The following DGKA variants were observed in gnomAD, a reference collection of about 807,000 sequenced individuals.
DGKA encodes 80 kDa diacylglycerol kinase.
DGKA carries 35 observed loss-of-function variants against 105.0 expected under a neutral mutation model. That is an observed-to-expected ratio of 0.33 (90% CI 0.25 to 0.44). The LOEUF is 0.44. Among genes scored for constraint, DGKA ranks in the 20% least tolerant of loss-of-function variants. DGKA has a pLI of 1.00. For synonymous variants in DGKA, 296 were observed against 332.0 expected (o/e 0.89, Z 1.18); for missense variants, 665 against 915.0 (o/e 0.73, Z 3.53).
intron 17 of DGKA, among the ~76,000 whole-genome samples, chr12:55,945,150 G>T (rs1395775717): frequency 3.3e-5 from 5 of 152,210 alleles, no homozygotes; most frequent in Non-Finnish European, 7.3e-5. Flanking sequence ...ACCAGTTTAA[G>T]GAAGAAAAAT....
intron 3 of DGKA, 148 bp downstream of exon 3, chr12:55,937,238 A>G (rs1884935083): frequency 8.1e-7 from 1 of 1,230,044 alleles, no homozygotes. Flanking sequence ...CTATTGCTTT[A>G]GGATAAAACA....
rs750438113 is a variant in DGKA, at chr12:55,953,387, C to T, written c.2101C>T (p.Pro701Ser). The change falls in exon 23 of 24, where the codon CCC becomes TCC. Residue 701 changes from proline (P) to serine (S), a missense_variant. Physicochemically the swap from Pro to Ser is moderately conservative, Grantham distance 74 (BLOSUM62 -1). Coordinates refer to ENST00000331886, the MANE Select transcript of DGKA (RefSeq NM_001345.5). The part of the protein sequence containing the change: ...KTLPMQIDGE[P>S]WMQTPCTIKI... The stretch of plus-strand genomic sequence containing the variant: ...CCTTCCCATGCAAATTGACGGAGAA[C>T]CCTGGATGCAGACGCCCTGTACAGT... The T allele has an allele frequency of 2.5e-6, 4 of 1,614,138 alleles. No homozygotes were observed. The highest frequency in any genetic ancestry group is 2.5e-6 in the Non-Finnish European group (3 of 1,180,008).
chr12:55,948,875 T>C (rs1887589053), intron 17 of DGKA, among the ~76,000 whole-genome samples: 2 of 151,126 alleles, frequency 1.3e-5, no homozygotes, highest in South Asian at 4.2e-4. Context: ...TACAAAAAAT[T>C]AGCTGGGCCT....
At chr12:55,942,637 C>T (rs1483382325) in intron 17 of DGKA, 1 of 245,564 alleles carries the variant, frequency 4.1e-6, no homozygotes, top group Non-Finnish European at 8.1e-6. Flanking sequence ...CTCATTCACT[C>T]ATTCAAACAA....
chr12:55,930,106 C>T (rs146746685), upstream of DGKA, among the ~76,000 whole-genome samples: 706 of 152,276 alleles, frequency 4.6e-3, 6 homozygotes, highest in African/African-American at 0.016. Flanking sequence ...CCTATTCTTA[C>T]ATTGTATGTT....
chr12:55,936,093 C>G (rs1884636470), intron 1 of DGKA: 1 of 911,758 alleles, frequency 1.1e-6, no homozygotes, highest in South Asian at 4.4e-5. Context: ...GACACACCCA[C>G]AGAAACATAT....
At position 55,952,291 on chromosome 12, in the gene DGKA, A is replaced by G; in HGVS notation, c.1653-50A>G. 1 of 1,583,396 alleles carries G rather than the reference A, an allele frequency of 6.3e-7. No individual in the cohort carries two copies. The highest frequency in any genetic ancestry group is 2.2e-5 in the East Asian group (1 of 44,750). On this transcript the variant is annotated intron_variant, in intron 19 of 23. Transcript: ENST00000331886. The surrounding 1 kb of genome is among the most constrained non-coding windows in gnomAD (Gnocchi z 5.1). ...CCTGTCACGTACCACCCCTGCCAGC[A>G]CTGTGTAACCTGTCCCTCCCTACTG...
At position 55,939,272 on chromosome 12, in the gene DGKA, C is replaced by T. The variant is rs751013823; in HGVS notation, c.561C>T (p.Thr187=). 1.1e-5 allele frequency: 17 copies of T among 1,614,032 alleles called. No homozygotes were observed. The African/African-American group carries it at 1.3e-4, about 13-fold the overall frequency. ...QAEWVRAGAT[T]VPLLVLLGLE... ...AGTGGGTCCGGGCTGGGGCCACCACCGTGCCACTGCTAGTGCTGCTGGGTC... is the reference window on the plus strand; with the variant it reads ...AGTGGGTCCGGGCTGGGGCCACCACTGTGCCACTGCTAGTGCTGCTGGGTC... Residue 187 remains threonine, a synonymous_variant, in exon 8 of 24, where the codon ACC becomes ACT. Transcript: ENST00000331886.
At chr12:55,949,955 C>T (rs1887814138) in intron 17 of DGKA, among the ~76,000 whole-genome samples, 1 of 152,006 alleles carries the variant, frequency 6.6e-6, no homozygotes, top group South Asian at 2.1e-4. Flanking sequence ...GGACTACAGT[C>T]ACATGCCACC....
chr12:55,943,640 T>A (rs866277904), intron 17 of DGKA, among the ~76,000 whole-genome samples: 95 of 152,064 alleles, frequency 6.2e-4, no homozygotes, highest in African/African-American at 2.2e-3. Flanking sequence ...GCAAACTCTT[T>A]TTTTTTCTTT....
intron 1 of DGKA, chr12:55,935,798 G>A: frequency 1.2e-6 from 1 of 866,026 alleles, no homozygotes; most frequent in African/African-American, 1.8e-5. Context: ...CGGGGCCGGG[G>A]CTAGGGACCT....
In DGKA at chr12:55,952,639, T is replaced by G; in HGVS notation, c.1744-95T>G. On this transcript the variant is annotated intron_variant, in intron 20 of 23. Transcript: ENST00000331886. The surrounding 1 kb of genome is among the most constrained non-coding windows in gnomAD (Gnocchi z 5.1). The stretch of plus-strand genomic sequence containing the variant: ...ACCTCCAAATCCTGCCTTCTCCAGT[T>G]TGTCATCTGGTGGAGGGAGCGATCA... 6.9e-7 allele frequency: 1 copy of G among 1,444,310 alleles called. No individual in the cohort carries two copies. The highest frequency in any genetic ancestry group is 1.7e-5 in the Admixed American group (1 of 58,296). The allele number at this position is 1,444,310 out of a possible 1,614,324, so 89.5% of individuals were successfully genotyped here.
Position 55,952,589 on chromosome 12 carries a change from T to A in DGKA, c.1744-145T>A. 1 of 1,176,274 alleles carries A rather than the reference T, an allele frequency of 8.5e-7. No homozygotes were observed. Among genetic ancestry groups the A allele is most frequent in the Non-Finnish European group, 1.2e-6 (1 of 801,372 alleles). 72.9% of individuals were successfully genotyped at this position (1,176,274 alleles called of 1,614,324 possible). ...AATTCTCCAAGTCCTCAAGATACACTAGTCCCTATTTCCATTCCTTGCACA... is the reference window on the plus strand; with the variant it reads ...AATTCTCCAAGTCCTCAAGATACACAAGTCCCTATTTCCATTCCTTGCACA... On this transcript the variant is annotated intron_variant, in intron 20 of 23. Coordinates refer to ENST00000331886, the MANE Select transcript of DGKA (RefSeq NM_001345.5). The surrounding 1 kb of genome is among the most constrained non-coding windows in gnomAD (Gnocchi z 5.1).
chr12:55,937,650 G>A (rs1001951945), intron 4 of DGKA, 107 bp downstream of exon 4: 3 of 1,423,544 alleles, frequency 2.1e-6, no homozygotes, highest in Non-Finnish European at 2.9e-6. Flanking sequence ...CAGGTTGGGG[G>A]AAATTGGTGG....
At chr12:55,935,760 A>T in intron 1 of DGKA, 1 of 482,596 alleles carries the variant, frequency 2.1e-6, no homozygotes, top group Non-Finnish European at 2.7e-6. Context: ...ACCCTTCCCT[A>T]GTGGAGCTCC....
At chr12:55,935,778 G>C (rs1884519043) in intron 1 of DGKA, 1 of 677,244 alleles carries the variant, frequency 1.5e-6, no homozygotes, top group Non-Finnish European at 1.8e-6. Context: ...TCCGCGGAAC[G>C]CAGTCCAGGC....
intron 17 of DGKA, among the ~76,000 whole-genome samples, chr12:55,948,792 GGTGGGTGGATCACGA>G (rs1887570488): frequency 6.6e-6 from 1 of 152,116 alleles, no homozygotes; most frequent in Admixed American, 6.5e-5. Flanking sequence ...GGGAGGCCAA[GGTGGGTGGATCACGA>G]GGTCAGGAGA....
At chr12:55,941,646 A>G in intron 15 of DGKA, 62 bp downstream of exon 15, 1 of 1,516,874 alleles carries the variant, frequency 6.6e-7, no homozygotes, top group South Asian at 1.1e-5. Flanking sequence ...TGTATATGTT[A>G]GGAGAGTGCA....
chr12:55,937,960 C>T lies in DGKA; in HGVS notation c.275-18C>T. 6.2e-7 allele frequency: 1 copy of T among 1,613,024 alleles called. No individual in the cohort carries two copies. Among genetic ancestry groups the T allele is most frequent in the Non-Finnish European group, 8.5e-7 (1 of 1,179,392 alleles). ...AGTGGAGGGAGCCCTGACTTCTGAT[C>T]TGCTTTTTTGTAACCAGATGTGGTG... On this transcript the variant is annotated intron_variant, in intron 4 of 23. Coordinates refer to ENST00000331886, the MANE Select transcript of DGKA (RefSeq NM_001345.5).
Sources: allele counts gnomAD v4.1 joint callset (sites outside exome capture counted in the v4.1 genomes callset), GRCh38; gene constraint gnomAD v4.1.1; non-coding constraint Gnocchi (gnomAD v3.1); transcripts MANE v1.5; gene names NCBI Gene and HGNC (gene_info 2026-07-23, HGNC 2026-07-21).